The following VPS13C variants were observed in gnomAD, a reference collection of about 807,000 sequenced individuals.
VPS13C encodes vacuolar protein sorting 13 homolog C, also known as intermembrane lipid transfer protein VPS13C.
VPS13C carries 358 observed loss-of-function variants against 456.8 expected under a neutral mutation model. That is an observed-to-expected ratio of 0.78 (90% CI 0.72 to 0.86). VPS13C has a LOEUF of 0.86. Ranked by LOEUF, VPS13C falls within the 40% of genes least tolerant of loss-of-function variation. The pLI, the probability that VPS13C is intolerant of heterozygous loss-of-function variation, is 0.00. For missense variants in VPS13C, 4,818 were observed against 4,385.4 expected, an observed-to-expected ratio of 1.10 and a Z score of -2.79; for synonymous variants, 1,578 against 1,486.7, an observed-to-expected ratio of 1.06 and a Z score of -1.41.
Position 61,890,288 on chromosome 15 carries a change from T to G in VPS13C, c.9218A>C (p.Lys3073Thr). 1 of 1,614,102 alleles carries G rather than the reference T, an allele frequency of 6.2e-7. No homozygotes were observed. Among genetic ancestry groups the G allele is most frequent in the Non-Finnish European group, 8.5e-7 (1 of 1,180,018 alleles). The stretch of plus-strand genomic sequence containing the variant: ...TTCCATTTCTTCTGCCTGCAGTGCT[T>G]TGGAAACCAAGGCAACATCATCGGT... ...LFTDDVALVS[K>T]ALQAEEMEQA... Residue 3073 changes from lysine (K) to threonine (T), a missense_variant, in exon 67 of 85, where the codon AAA becomes ACA. Lys to Thr is a moderately conservative substitution (Grantham distance 78). Around this residue, in one of 3 missense-constraint regions of VPS13C, gnomAD observed 4,552 missense variants for 4,130.6 expected, o/e 1.10. Transcript: ENST00000644861.
At chr15:62,015,079 A>G (rs529187729) in intron 9 of VPS13C, among the ~76,000 whole-genome samples, 2 of 152,184 alleles carry the variant, frequency 1.3e-5, no homozygotes, top group East Asian at 3.9e-4. Context: ...GTATATGACT[A>G]TTTTGTATTT....
intron 1 of VPS13C, among the ~76,000 whole-genome samples, chr15:62,059,650 G>A (rs932922901): frequency 6.6e-6 from 1 of 152,122 alleles, no homozygotes; most frequent in Non-Finnish European, 1.5e-5. Flanking sequence ...AATCCTCTTC[G>A]TATTGACGGA....
At chr15:62,043,643 G>A (rs961866127) in intron 2 of VPS13C, among the ~76,000 whole-genome samples, 5 of 151,864 alleles carry the variant, frequency 3.3e-5, no homozygotes, top group African/African-American at 4.8e-5. Context: ...GTTGGAAGCC[G>A]GAAAAAAATT....
Position 61,936,601 on chromosome 15 carries a change from G to C in VPS13C, c.5751C>G (p.Leu1917=). 1 of 1,554,536 alleles carries C rather than the reference G, an allele frequency of 6.4e-7. No homozygotes were observed. The highest frequency in any genetic ancestry group is 1.2e-5 in the South Asian group (1 of 80,326). The change falls in exon 48 of 85, where the codon CTC becomes CTG. Residue 1917 remains leucine (L), a synonymous_variant. Transcript: ENST00000644861. ...KVDVSSVPDH[L]KEQEDWTDSK... Reference sequence around the variant, plus strand: ...GTAAATATCATCAATTTATACCTTTGAGATGGTCAGGTACACTTGAAACAT... The same window carrying C: ...GTAAATATCATCAATTTATACCTTTCAGATGGTCAGGTACACTTGAAACAT...
intron 53 of VPS13C, among the ~76,000 whole-genome samples, chr15:61,924,252 C>G (rs187102779): frequency 2.0e-4 from 30 of 152,226 alleles, no homozygotes; most frequent in Non-Finnish European, 2.9e-5. Context: ...TCCATGCTCC[C>G]CATCTATTTA....
chr15:61,881,010 A>G (rs949577640), intron 71 of VPS13C, 56 bp from the exon 72 acceptor site: 70 of 1,419,750 alleles, frequency 4.9e-5, no homozygotes, highest in Non-Finnish European at 3.2e-5. Context: ...TTAATTTTCA[A>G]TGTTAAAACT....
chr15:61,993,176 C>T (rs2046278483), intron 16 of VPS13C, among the ~76,000 whole-genome samples: 1 of 152,074 alleles, frequency 6.6e-6, no homozygotes, highest in South Asian at 2.1e-4. Flanking sequence ...AATTCATGAA[C>T]AGTTTTTACA....
At position 61,881,825 on chromosome 15, in the gene VPS13C, C is replaced by A; in HGVS notation, c.9628G>T (p.Asp3210Tyr). Residue 3210 changes from aspartate (D) to tyrosine (Y), a missense_variant, in exon 70 of 85, where the codon GAT becomes TAT. Physicochemically the swap from Asp to Tyr is radical, Grantham distance 160. Around this residue, in one of 3 missense-constraint regions of VPS13C, gnomAD observed 4,552 missense variants for 4,130.6 expected, o/e 1.10. Coordinates refer to ENST00000644861, the MANE Select transcript of VPS13C (RefSeq NM_020821.3). ...AACATTGCACCTGGTAACTGATTAT[C>A]AACCTGAAAGAAAAGAAAACGAACT... ...LRARLYWLQV[D>Y]NQLPGAMFPV... 1 of 1,582,838 alleles carries A rather than the reference C, an allele frequency of 6.3e-7. No homozygotes were observed. The highest frequency in any genetic ancestry group is 8.5e-7 in the Non-Finnish European group (1 of 1,172,316).
chr15:62,007,566 G>T, intron 14 of VPS13C, 87 bp from the exon 15 acceptor site: 1 of 1,211,138 alleles, frequency 8.3e-7, no homozygotes, highest in Non-Finnish European at 1.1e-6. Flanking sequence ...ATCTTATGCT[G>T]TCAAATTTTT....
chr15:62,026,588 G>A (rs928868221), intron 6 of VPS13C, among the ~76,000 whole-genome samples: 5 of 151,950 alleles, frequency 3.3e-5, no homozygotes, highest in Admixed American at 6.6e-5. Context: ...TCTGAATAAT[G>A]ATAGTCTGTG....
At chr15:61,970,128 C>T (rs2045503086) in intron 27 of VPS13C, among the ~76,000 whole-genome samples, 2 of 152,298 alleles carry the variant, frequency 1.3e-5, no homozygotes, top group South Asian at 2.1e-4. Flanking sequence ...CAGACTACCA[C>T]GGCTTTTACC....
At chr15:61,949,701 T>C (rs1326862661) in intron 41 of VPS13C, 96 bp from the exon 42 acceptor site, 7 of 1,195,524 alleles carry the variant, frequency 5.9e-6, no homozygotes, top group African/African-American at 1.6e-5. Flanking sequence ...ACAGTTCAAT[T>C]AAGGGCCTTT....
chr15:62,046,979 G>T (rs2048424935), intron 1 of VPS13C, among the ~76,000 whole-genome samples: 1 of 151,932 alleles, frequency 6.6e-6, no homozygotes, highest in Non-Finnish European at 1.5e-5. Flanking sequence ...ATAATAATTA[G>T]ATTTTTTTAT....
intron 15 of VPS13C, among the ~76,000 whole-genome samples, chr15:62,002,415 AT>A (rs1176926322): frequency 1.3e-5 from 2 of 152,054 alleles, no homozygotes; most frequent in Non-Finnish European, 2.9e-5. Context: ...GATTCTGGAT[AT>A]TAGTCCTTTG....
chr15:61,896,556 C>A, intron 66 of VPS13C, among the ~76,000 whole-genome samples: 1 of 152,304 alleles, frequency 6.6e-6, no homozygotes, highest in Non-Finnish European at 1.5e-5. Context: ...GCTTAAAAAA[C>A]GGCGCACCAC....
At chr15:62,047,739 C>A (rs1035910442) in intron 1 of VPS13C, among the ~76,000 whole-genome samples, 7 of 152,126 alleles carry the variant, frequency 4.6e-5, no homozygotes, top group African/African-American at 1.7e-4. Context: ...AACAAGTACT[C>A]TCCACTAAAC....
At chr15:61,912,815 C>A (rs1202216704) in intron 62 of VPS13C, among the ~76,000 whole-genome samples, 1 of 126,466 alleles carries the variant, frequency 7.9e-6, no homozygotes, top group Non-Finnish European at 1.6e-5. Context: ...AAAACAGTCC[C>A]CAGAGTGTGA....
rs781065590 is a variant in VPS13C at position 61,919,332 on chromosome 15, G to C, written c.7595C>G (p.Ala2532Gly). The change falls in exon 58 of 85, where the codon GCA (alanine) becomes GGA (glycine). Residue 2532 changes from alanine (A) to glycine (G), a missense_variant. Around this residue, in one of 3 missense-constraint regions of VPS13C, gnomAD observed 4,552 missense variants for 4,130.6 expected, o/e 1.10. Coordinates refer to ENST00000644861, the MANE Select transcript of VPS13C (RefSeq NM_020821.3). ...GGTAATTACTTTATTCCCTTCAGTT[G>C]CATCAATTTGTACCAAGACAGAGTC... is the stretch of plus-strand genomic sequence containing the variant. ...HSDSVLVQID[A>G]TEGNKVITLR... is the part of the protein sequence containing the mutation. 9 of 1,606,600 alleles carry C rather than the reference G, an allele frequency of 5.6e-6. No individual in the cohort carries two copies. In the Admixed American group the frequency reaches 1.4e-4, roughly 24 times the overall value.
chr15:61,991,585 C>G (rs905294767), intron 17 of VPS13C, 88 bp downstream of exon 17: 2 of 1,407,198 alleles, frequency 1.4e-6, no homozygotes, highest in Non-Finnish European at 1.9e-6. Context: ...AAATGTATTT[C>G]AAAATAAAAT....
Sources: allele counts gnomAD v4.1 joint callset (sites outside exome capture counted in the v4.1 genomes callset), GRCh38; gene constraint gnomAD v4.1.1; regional missense constraint gnomAD v4.1.1; transcripts MANE v1.5; gene names NCBI Gene and HGNC (gene_info 2026-07-23, HGNC 2026-07-21).